CCDC192: variants seen among roughly 807,000 people sequenced by gnomAD.
The protein encoded by CCDC192 is coiled-coil domain-containing protein 192.
At chr5:127,924,465 A>T (rs1041235561) in intron 6 of CCDC192, among the ~76,000 whole-genome samples, 1 of 152,198 alleles carries the variant, frequency 6.6e-6, no homozygotes, top group Non-Finnish European at 1.5e-5. Context: ...CATTTGCTAG[A>T]TCAGAAATTA....
In CCDC192 at chr5:127,865,644, G is replaced by A. The variant is rs1751577273; in HGVS notation, c.412-9894G>A. ...TCATCAAATCGACAAAGACTACAGT[G>A]TCATCCATACTAGATCAGATATCTT... On this transcript the variant is annotated intron_variant, in intron 5 of 6. Coordinates refer to ENST00000514853, the MANE Select transcript of CCDC192 (RefSeq NM_001317938.2). Among the ~76,000 whole-genome samples, 2 of 149,338 alleles carry A rather than the reference G, an allele frequency of 1.3e-5. 1 individual carries two copies. Among genetic ancestry groups the A allele is most frequent in the South Asian group, 4.4e-4 (2 of 4,594 alleles).
intron 6 of CCDC192, among the ~76,000 whole-genome samples, chr5:127,906,794 A>G (rs74761995): frequency 7.3e-6 from 1 of 136,288 alleles, no homozygotes; most frequent in African/African-American, 2.8e-5. Flanking sequence ...TCCAAAAAAA[A>G]CCCCAACAAA....
chr5:127,891,609 T>G (rs1475062742), intron 6 of CCDC192, among the ~76,000 whole-genome samples: 1 of 152,230 alleles, frequency 6.6e-6, no homozygotes, highest in Admixed American at 6.5e-5. Context: ...CATATACTTC[T>G]CTTTACTAGC....
intron 3 of CCDC192, among the ~76,000 whole-genome samples, chr5:127,793,703 A>G (rs1312621907): frequency 6.6e-6 from 1 of 152,250 alleles, no homozygotes; most frequent in African/African-American, 2.4e-5. Flanking sequence ...GCAATGATGT[A>G]AGGTAACATT....
At chr5:127,717,467 GGT>G (rs1561443399) in intron 2 of CCDC192, among the ~76,000 whole-genome samples, 20 of 151,622 alleles carry the variant, frequency 1.3e-4, no homozygotes, top group African/African-American at 4.1e-4. Flanking sequence ...TGCATAGAAA[GGT>G]AGTAGTAATA....
At chr5:127,921,122 G>A (rs909207117) in intron 6 of CCDC192, among the ~76,000 whole-genome samples, 2 of 131,506 alleles carry the variant, frequency 1.5e-5, no homozygotes, top group African/African-American at 6.7e-5. Context: ...GGAGAAAGGA[G>A]AGGAAAGGAC....
intron 6 of CCDC192, among the ~76,000 whole-genome samples, chr5:127,938,120 C>T (rs914429299): frequency 7.9e-5 from 12 of 152,026 alleles, no homozygotes; most frequent in Non-Finnish European, 1.2e-4. Flanking sequence ...AAACTCACTT[C>T]GACCCACCTG....
intron 5 of CCDC192, among the ~76,000 whole-genome samples, chr5:127,832,388 A>G (rs1187856260): frequency 6.6e-6 from 1 of 152,210 alleles, no homozygotes; most frequent in Admixed American, 6.5e-5. Context: ...ACTTCTGTGT[A>G]TGTAACCTGA....
At chr5:127,705,810 T>A (rs1198337892) in intron 1 of CCDC192, among the ~76,000 whole-genome samples, 1 of 152,084 alleles carries the variant, frequency 6.6e-6, no homozygotes, top group Non-Finnish European at 1.5e-5. Flanking sequence ...AGGGAAAACA[T>A]CCGTTTTGTG....
At chr5:127,717,101 G>C (rs914869208) in intron 2 of CCDC192, among the ~76,000 whole-genome samples, 27 of 152,244 alleles carry the variant, frequency 1.8e-4, no homozygotes, top group African/African-American at 6.5e-4. Context: ...CATTGTAACT[G>C]ACAGCCCTTT....
chr5:127,875,508 A>T lies in CCDC192; in HGVS notation c.412-30A>T, dbSNP rs79015782. The T allele has an allele frequency of 7.2e-3, 2,645 of 364,956 alleles. 58 individuals are homozygous for T. The highest frequency in any genetic ancestry group is 0.066 in the African/African-American group (2,359 of 35,886). The allele number at this position is 364,956 out of a possible 1,614,324, so 22.6% of individuals were successfully genotyped here. On this transcript the variant is annotated intron_variant, in intron 5 of 6. Transcript: ENST00000514853. Reference sequence around the variant, plus strand: ...TTCTTTGATGCGTCTGTCCCTAGTGATGGAAACTCTTATTTTTTTTTTTTT... The same window carrying T: ...TTCTTTGATGCGTCTGTCCCTAGTGTTGGAAACTCTTATTTTTTTTTTTTT...
Position 127,875,536 on chromosome 5 carries a change from A to G in CCDC192, c.412-2A>G, listed in dbSNP as rs1747257544. On this transcript the variant is annotated splice_acceptor_variant, in intron 5 of 6. Transcript: ENST00000514853. LOFTEE classifies it high-confidence loss of function. The stretch of plus-strand genomic sequence containing the variant: ...GAAACTCTTATTTTTTTTTTTTTTA[A>G]GAAACTAAAGCATGAAAAGAAAGTG... 1.0e-5 allele frequency: 4 copies of G among 396,490 alleles called. No homozygotes were observed. The highest frequency in any genetic ancestry group is 1.3e-5 in the Non-Finnish European group (3 of 225,460). The allele number at this position is 396,490 out of a possible 1,614,324, so 24.6% of individuals were successfully genotyped here.
At chr5:127,722,675 A>G (rs1016635917) in intron 2 of CCDC192, among the ~76,000 whole-genome samples, 7 of 152,074 alleles carry the variant, frequency 4.6e-5, no homozygotes, top group Admixed American at 1.3e-4. Flanking sequence ...TCTTCTCCAT[A>G]TGGATATCCA....
intron 5 of CCDC192, among the ~76,000 whole-genome samples, chr5:127,855,911 G>A (rs1042879215): frequency 5.9e-5 from 9 of 152,280 alleles, no homozygotes; most frequent in Middle Eastern, 3.4e-3. Context: ...AGACTTTGTC[G>A]TTCCATTTAT....
At chr5:127,712,566 A>G (rs185466974) in intron 2 of CCDC192, among the ~76,000 whole-genome samples, 164 of 152,296 alleles carry the variant, frequency 1.1e-3, no homozygotes, top group African/African-American at 3.7e-3. Flanking sequence ...CTACAGATCC[A>G]TCAGCTAAAT....
chr5:127,923,437 G>A (rs924441533), intron 6 of CCDC192, among the ~76,000 whole-genome samples: 5 of 151,000 alleles, frequency 3.3e-5, no homozygotes, highest in Non-Finnish European at 1.5e-5. Flanking sequence ...GAGTGCAGTG[G>A]TGCCATCTTG....
chr5:127,866,003 T>G (rs1440330588), intron 5 of CCDC192, among the ~76,000 whole-genome samples: 1 of 152,076 alleles, frequency 6.6e-6, no homozygotes, highest in Admixed American at 6.6e-5. Context: ...AACAGATAAC[T>G]GAGAAGAGGA....
chr5:127,751,531 T>C (rs1754172180), intron 2 of CCDC192, among the ~76,000 whole-genome samples: 1 of 152,204 alleles, frequency 6.6e-6, no homozygotes, highest in Admixed American at 6.5e-5. Context: ...GACCTTTCTC[T>C]CTGGCTGCCC....
chr5:127,895,801 A>C lies in CCDC192; in HGVS notation c.535+20140A>C, dbSNP rs559313258. On this transcript the variant is annotated intron_variant, in intron 6 of 6. Coordinates refer to ENST00000514853, the MANE Select transcript of CCDC192 (RefSeq NM_001317938.2). ...TGTTGCAGTGAGCTGAGATCACGCC[A>C]CTGCACTCTAGCCTGGGTGACAGCC... Among the ~76,000 whole-genome samples the C allele has an allele frequency of 6.6e-5, 10 of 152,086 alleles. No homozygotes were observed. The South Asian group carries it at 2.1e-3, about 32-fold the overall frequency.
Sources: gnomAD v4.1 joint callset for allele counts (sites outside exome capture counted in the v4.1 genomes callset) on GRCh38, gnomAD v4.1.1 for gene constraint, MANE v1.5 for transcripts, NCBI Gene and HGNC (gene_info 2026-07-23, HGNC 2026-07-21) for gene names.